The following SLC4A1AP variants were observed in gnomAD, a reference collection of about 807,000 sequenced individuals.
The protein encoded by SLC4A1AP is solute carrier family 4 member 1 adaptor protein, also known as kanadaptin.
In SLC4A1AP, 64 loss-of-function variants were observed where a neutral mutation model predicts 89.7. The observed-to-expected ratio is 0.71, with a 90% CI of 0.58 to 0.88. The LOEUF is 0.88. Among genes scored for constraint, SLC4A1AP ranks in the 40% least tolerant of loss-of-function variants. SLC4A1AP has a pLI of 0.00. For synonymous variants in SLC4A1AP, 366 were observed against 353.3 expected (o/e 1.04, Z -0.40); for missense variants, 931 against 965.0 (o/e 0.96, Z 0.47).
At chr2:27,664,067 C>T (rs778376851) in exon 1 of SLC4A1AP, 18 of 1,614,066 alleles carry the variant, frequency 1.1e-5, no homozygotes, top group Admixed American at 3.3e-5. Flanking sequence ...AGGAAGGGCC[C>T]ACTGCGTTGC....
chr2:27,666,359 A>ACCCCCCCC (rs1553363258), intron 2 of SLC4A1AP, among the ~76,000 whole-genome samples: 3 of 3,362 alleles, frequency 8.9e-4, no homozygotes, highest in Non-Finnish European at 9.0e-4. Flanking sequence ...TCCACCCCCC[A>ACCCCCCCC]CCCCCCCCCC....
exon 1 of SLC4A1AP, chr2:27,664,034 T>C (rs1207437922): frequency 6.2e-7 from 1 of 1,614,214 alleles, no homozygotes; most frequent in African/African-American, 1.3e-5. Flanking sequence ...CCAGCAGTTC[T>C]TCAAACCCTG....
At chr2:27,663,980 G>C (rs140440527) in exon 1 of SLC4A1AP, 1 of 1,614,242 alleles carries the variant, frequency 6.2e-7, no homozygotes, top group Non-Finnish European at 8.5e-7. Flanking sequence ...ACTTCAAGAA[G>C]CCAGCTCTGC....
At chr2:27,664,210 C>A (rs147092779) in exon 1 of SLC4A1AP, 156 of 1,614,056 alleles carry the variant, frequency 9.7e-5, no homozygotes, top group Non-Finnish European at 1.3e-4. Context: ...CGGGCTCCCC[C>A]CTACCAAGAG....
At chr2:27,666,412 G>A (rs961764785) in intron 2 of SLC4A1AP, among the ~76,000 whole-genome samples, 1 of 128,020 alleles carries the variant, frequency 7.8e-6, no homozygotes, top group African/African-American at 3.0e-5. Flanking sequence ...GATTACAGGC[G>A]TGAGCGATCG....
In SLC4A1AP at chr2:27,687,917, G is replaced by C. The variant is rs985664081; in HGVS notation, c.2117-17G>C. On this transcript the variant is annotated splice_polypyrimidine_tract_variant and intron_variant, in intron 10 of 13. Coordinates refer to ENST00000613058, the Ensembl canonical transcript of SLC4A1AP. Reference sequence around the variant, plus strand: ...GAATTAAATCATGACAATATGATTTGATATTGCTTTTTATAGAAAACATGT... The same window carrying C: ...GAATTAAATCATGACAATATGATTTCATATTGCTTTTTATAGAAAACATGT... The C allele has an allele frequency of 6.3e-7, 1 of 1,578,506 alleles. No individual in the cohort carries two copies. Among genetic ancestry groups the C allele is most frequent in the Admixed American group, 1.7e-5 (1 of 59,652 alleles).
At chr2:27,674,218 G>T (rs1675478726) in intron 5 of SLC4A1AP, among the ~76,000 whole-genome samples, 1 of 152,070 alleles carries the variant, frequency 6.6e-6, no homozygotes, top group African/African-American at 2.4e-5. Flanking sequence ...TACTGATTTG[G>T]CTTTGGTCCT....
intron 5 of SLC4A1AP, among the ~76,000 whole-genome samples, chr2:27,672,551 C>T (rs1675442064): frequency 6.6e-6 from 1 of 152,054 alleles, no homozygotes; most frequent in Non-Finnish European, 1.5e-5. Flanking sequence ...TTGTAAATAT[C>T]TCCTCTCTGT....
At chr2:27,675,596 A>G in exon 6 of SLC4A1AP, 16 of 1,610,970 alleles carry the variant, frequency 9.9e-6, no homozygotes, top group Non-Finnish European at 1.4e-5. Context: ...ATGATGACAC[A>G]TTTCTTGATA....
chr2:27,687,344 AG>A (rs1675719004), intron 10 of SLC4A1AP, among the ~76,000 whole-genome samples: 1 of 152,080 alleles, frequency 6.6e-6, no homozygotes, highest in African/African-American at 2.4e-5. Context: ...ACATTTTGGG[AG>A]GCCGAAGTAG....
At chr2:27,686,583 G>C (rs1165462442) in intron 10 of SLC4A1AP, among the ~76,000 whole-genome samples, 1 of 152,142 alleles carries the variant, frequency 6.6e-6, no homozygotes, top group Non-Finnish European at 1.5e-5. Context: ...TGGCCAATGT[G>C]GTGAGACCCC....
In SLC4A1AP at chr2:27,678,069, A is replaced by G. The variant is rs554500575; in HGVS notation, c.1763+145A>G. The G allele has an allele frequency of 5.1e-3, 2,751 of 539,658 alleles. 15 individuals are homozygous for G. The highest frequency in any genetic ancestry group is 6.7e-3 in the Non-Finnish European group (2,162 of 321,540). 33.4% of individuals were successfully genotyped at this position (539,658 alleles called of 1,614,324 possible). On this transcript the variant is annotated intron_variant, in intron 8 of 13. Coordinates refer to ENST00000613058, the Ensembl canonical transcript of SLC4A1AP. ...TTAAAGCACAGAAAGCAGTGGTTTC[A>G]TAGAGTAACTAAAAACCTGTTTCAT...
chr2:27,670,037 ATT>A (rs966921155), intron 5 of SLC4A1AP, among the ~76,000 whole-genome samples: 3 of 152,070 alleles, frequency 2.0e-5, no homozygotes, highest in African/African-American at 7.2e-5. Flanking sequence ...CTCATTTTGT[ATT>A]TTTAGTAGAG....
At chr2:27,677,467 C>G (rs532121213) in intron 7 of SLC4A1AP, 103 bp downstream of exon 7, 2 of 808,682 alleles carry the variant, frequency 2.5e-6, no homozygotes, top group East Asian at 2.6e-5. Context: ...GAATATGGAG[C>G]CTTTTAAAGG....
At chr2:27,694,029 G>A (rs146654060) in intron 13 of SLC4A1AP, among the ~76,000 whole-genome samples, 833 of 152,202 alleles carry the variant, frequency 5.5e-3, no homozygotes, top group Non-Finnish European at 7.9e-3. Context: ...TTTGGAAAAA[G>A]TCCTTGTCTT....
rs767677789 is a variant in SLC4A1AP at position 27,677,857 on chromosome 2, A to C, written c.1696A>C (p.Lys566Gln). 2.7e-5 allele frequency: 44 copies of C among 1,613,700 alleles called. No homozygotes were observed. The highest frequency in any genetic ancestry group is 3.4e-5 in the Non-Finnish European group (40 of 1,179,862). The change falls in exon 8 of 14, where the codon AAA becomes CAA. Residue 566 changes from lysine to glutamine, a missense_variant. Lys to Gln is a moderately conservative substitution (Grantham distance 53). Coordinates refer to ENST00000613058, the Ensembl canonical transcript of SLC4A1AP. ...TCACCTGAGAACTTTTGAACTGAGG[A>C]AAGAACAACAGAGACTTAAAGGGTT...
At position 27,688,079 on chromosome 2, in the gene SLC4A1AP, A is replaced by G. The variant is rs370904552; in HGVS notation, c.2203+59A>G. 498 of 1,422,592 alleles carry G rather than the reference A, an allele frequency of 3.5e-4. 4 individuals are homozygous for G. The African/African-American group carries it at 6.3e-3, about 18-fold the overall frequency. The allele number at this position is 1,422,592 out of a possible 1,614,324, so 88.1% of individuals were successfully genotyped here. On this transcript the variant is annotated intron_variant, in intron 11 of 13. Transcript: ENST00000613058. ...CACACAGGTGGCTGACTGGTTTCAT[A>G]AGGGAGGGGCTGGCAGCTGACCTGA...
chr2:27,665,318 G>T (rs369454315), intron 2 of SLC4A1AP, 23 bp downstream of exon 2: 4 of 1,565,898 alleles, frequency 2.6e-6, no homozygotes, highest in African/African-American at 2.8e-5. Context: ...AATTGCTGCC[G>T]GAGGTTAATA....
intron 5 of SLC4A1AP, among the ~76,000 whole-genome samples, chr2:27,674,790 C>T (rs1254149183): frequency 6.7e-6 from 1 of 150,218 alleles, no homozygotes; most frequent in Non-Finnish European, 1.5e-5. Flanking sequence ...CGGCTCACTG[C>T]AACCTCTATC....
Sources: gnomAD v4.1 joint callset for allele counts (sites outside exome capture counted in the v4.1 genomes callset) on GRCh38, gnomAD v4.1.1 for gene constraint, MANE v1.5 for transcripts, NCBI Gene and HGNC (gene_info 2026-07-23, HGNC 2026-07-21) for gene names.